The following TNNI3K variants were observed in gnomAD, a reference collection of about 807,000 sequenced individuals.
TNNI3K encodes TNNI3 interacting kinase, also known as serine/threonine-protein kinase TNNI3K.
A neutral mutation model predicts 114.5 loss-of-function variants in TNNI3K; 140 were observed. The observed-to-expected ratio is 1.22, with a 90% CI of 1.07 to 1.41. The LOEUF (loss-of-function observed/expected upper bound fraction) is 1.41. Ranked by LOEUF, TNNI3K falls within the 40% of genes most tolerant of loss-of-function variation. The pLI, the probability that TNNI3K is intolerant of heterozygous loss-of-function variation, is 0.00. For missense variants in TNNI3K, 1,125 were observed against 1,007.6 expected (o/e 1.12, Z -1.58); for synonymous variants, 347 against 347.5 (o/e 1.00, Z 0.02).
chr1:74,245,392 G>A (rs1324500615), intron 2 of TNNI3K, among the ~76,000 whole-genome samples: 3 of 152,122 alleles, frequency 2.0e-5, no homozygotes, highest in Non-Finnish European at 2.9e-5. Context: ...GCCACAGGTA[G>A]CCTTTCAAAA....
chr1:74,466,173 G>A (rs572361125), intron 21 of TNNI3K, among the ~76,000 whole-genome samples: 1 of 152,296 alleles, frequency 6.6e-6, no homozygotes, highest in African/African-American at 2.4e-5. Flanking sequence ...TTTAAGAAGT[G>A]TAACACTCAC....
intron 2 of TNNI3K, among the ~76,000 whole-genome samples, chr1:74,247,249 G>T (rs1654624291): frequency 6.6e-6 from 1 of 152,102 alleles, no homozygotes; most frequent in Non-Finnish European, 1.5e-5. Context: ...CCTTCGCAGT[G>T]AGTGTTACAG....
chr1:74,253,749 GC>G (rs1655105312), intron 4 of TNNI3K, among the ~76,000 whole-genome samples: 1 of 152,096 alleles, frequency 6.6e-6, no homozygotes, highest in South Asian at 2.1e-4. Context: ...CTCCCCGCAG[GC>G]CGAGGGAGCC....
chr1:74,266,973 AAT>A (rs1656033511), intron 4 of TNNI3K, among the ~76,000 whole-genome samples: 1 of 151,948 alleles, frequency 6.6e-6, no homozygotes, highest in African/African-American at 2.4e-5. Flanking sequence ...AAAAATAATA[AAT>A]ATGACACACA....
intron 5 of TNNI3K, among the ~76,000 whole-genome samples, chr1:74,301,807 A>G (rs2100323768): frequency 6.6e-6 from 1 of 152,250 alleles, no homozygotes; most frequent in East Asian, 1.9e-4. Flanking sequence ...TTGCTTTTCC[A>G]TGCTATTTCT....
intron 5 of TNNI3K, among the ~76,000 whole-genome samples, chr1:74,326,741 A>G (rs1241497331): frequency 6.6e-6 from 1 of 152,196 alleles, no homozygotes; most frequent in African/African-American, 2.4e-5. Context: ...CATGGAGAAC[A>G]TGAGAACTGA....
chr1:74,350,995 T>C (rs537813821), intron 9 of TNNI3K, among the ~76,000 whole-genome samples: 76 of 152,126 alleles, frequency 5.0e-4, no homozygotes, highest in African/African-American at 1.8e-3. Context: ...ATGTGTGAAC[T>C]TGATCCTGTC....
intron 9 of TNNI3K, among the ~76,000 whole-genome samples, chr1:74,352,372 G>C (rs941369409): frequency 6.6e-6 from 1 of 152,184 alleles, no homozygotes; most frequent in Non-Finnish European, 1.5e-5. Flanking sequence ...GTGTCAGTCT[G>C]CCCCTACTGG....
intron 4 of TNNI3K, among the ~76,000 whole-genome samples, chr1:74,254,831 GA>G (rs1655173517): frequency 2.6e-5 from 4 of 152,144 alleles, no homozygotes; most frequent in African/African-American, 9.7e-5. Context: ...GACAGGGTAG[GA>G]TGTTCCTGAA....
At chr1:74,347,589 A>G (rs1275896049) in intron 9 of TNNI3K, among the ~76,000 whole-genome samples, 2 of 152,146 alleles carry the variant, frequency 1.3e-5, no homozygotes, top group African/African-American at 2.4e-5. Context: ...GACTTCCACA[A>G]TGGTTGAACT....
chr1:74,274,478 C>T lies in TNNI3K; in HGVS notation c.444+2770C>T, dbSNP rs114705393. ...GAATTCATTTAACATTTTTTCAGCC[C>T]CTACTTTGTCTATAAATGGTTAGAA... On this transcript the variant is annotated intron_variant, in intron 5 of 24. Coordinates refer to ENST00000326637, the MANE Select transcript of TNNI3K (RefSeq NM_015978.3). 6.4e-3 allele frequency among the ~76,000 whole-genome samples: 968 copies of T among 151,958 alleles called. 11 individuals carry two copies. Among genetic ancestry groups the T allele is most frequent in the African/African-American group, 0.022 (924 of 41,456 alleles).
At chr1:74,249,566 C>T in intron 3 of TNNI3K, 22 bp downstream of exon 3, 1 of 1,609,782 alleles carries the variant, frequency 6.2e-7, no homozygotes, top group East Asian at 2.2e-5. Context: ...AAACTTAGTA[C>T]TTCTTAAACT....
At chr1:74,453,841 G>C (rs527730232) in intron 20 of TNNI3K, among the ~76,000 whole-genome samples, 2 of 152,226 alleles carry the variant, frequency 1.3e-5, no homozygotes, top group East Asian at 3.9e-4. Context: ...GCCAAACAGC[G>C]CTGAGCAGGA....
chr1:74,467,651 TA>T (rs1322725529), intron 21 of TNNI3K, among the ~76,000 whole-genome samples: 1 of 152,156 alleles, frequency 6.6e-6, no homozygotes, highest in Non-Finnish European at 1.5e-5. Flanking sequence ...ACAAAGGATT[TA>T]TTTACTTAAA....
Position 74,370,399 on chromosome 1 carries a change from T to A in TNNI3K, c.1772+7T>A. On this transcript the variant is annotated splice_region_variant and intron_variant, in intron 17 of 24. Transcript: ENST00000326637. ...TACATCGTGACTTGAACAGGTATTT[T>A]TTTCCTAAATAATGAACTCAGAAGG... The A allele has an allele frequency of 1.2e-6, 2 of 1,601,144 alleles. No homozygotes were observed. Among genetic ancestry groups the A allele is most frequent in the Non-Finnish European group, 1.7e-6 (2 of 1,172,566 alleles).
chr1:74,446,755 A>T lies in TNNI3K; in HGVS notation c.2011+7133A>T, dbSNP rs983709777. Among the ~76,000 whole-genome samples, 767 of 143,818 alleles carry T rather than the reference A, an allele frequency of 5.3e-3. 8 individuals carry two copies. The highest frequency in any genetic ancestry group is 0.019 in the African/African-American group (726 of 38,004). 94.4% of individuals were successfully genotyped at this position (143,818 alleles called of 152,430 possible). A position where few individuals can be genotyped will look rare whatever the true frequency, so the allele number is the denominator to read the frequency against. ...AAGGGATCCAGTTTCAGCTTTCTAC[A>T]TATGGCTAGCCAGTTTTCCCAGCAC... On this transcript the variant is annotated intron_variant, in intron 20 of 24. Transcript: ENST00000326637.
chr1:74,359,139 A>G (rs1661817459), intron 11 of TNNI3K, among the ~76,000 whole-genome samples: 1 of 151,996 alleles, frequency 6.6e-6, no homozygotes, highest in African/African-American at 2.4e-5. Context: ...GATCTAAGCC[A>G]AAACTCCATC....
intron 21 of TNNI3K, chr1:74,483,367 G>T (rs932391236): frequency 1.5e-5 from 11 of 717,132 alleles, no homozygotes; most frequent in Non-Finnish European, 2.9e-5. Context: ...AAGAGTACCA[G>T]CCATCCACCT....
chr1:74,505,198 A>G (rs1190566661), intron 23 of TNNI3K, among the ~76,000 whole-genome samples: 1 of 152,202 alleles, frequency 6.6e-6, no homozygotes, highest in Admixed American at 6.5e-5. Flanking sequence ...ACTTGGCCCA[A>G]AAATGCTGCT....
Sources: allele counts gnomAD v4.1 joint callset (sites outside exome capture counted in the v4.1 genomes callset), GRCh38; gene constraint gnomAD v4.1.1; transcripts MANE v1.5; gene names NCBI Gene and HGNC (gene_info 2026-07-23, HGNC 2026-07-21).